PHACTR3: variants seen among roughly 807,000 people sequenced by gnomAD.
PHACTR3 encodes protein phosphatase 1, regulatory subunit 123.
A neutral mutation model predicts 66.8 loss-of-function variants in PHACTR3; 16 were observed. The observed-to-expected ratio is 0.24, with a 90% CI of 0.16 to 0.36. The LOEUF (loss-of-function observed/expected upper bound fraction) is 0.36. PHACTR3 is among the 10% of genes least tolerant of loss of function. The probability of loss-of-function intolerance (pLI) is 1.00; values close to 1 mark genes in which losing one functional copy is unlikely to be tolerated. For synonymous variants in PHACTR3, 323 were observed against 292.1 expected (o/e 1.11, Z -1.08); for missense variants, 647 against 719.9 (o/e 0.90, Z 1.16).
intron 7 of PHACTR3, among the ~76,000 whole-genome samples, chr20:59,783,441 C>G (rs994415505): frequency 1.3e-5 from 2 of 148,574 alleles, no homozygotes; most frequent in East Asian, 2.0e-4. Context: ...CGCCCCACCC[C>G]GGCCCTTTTT....
chr20:59,634,418 G>A (rs1339193653), intron 1 of PHACTR3, among the ~76,000 whole-genome samples: 1 of 152,212 alleles, frequency 6.6e-6, no homozygotes, highest in African/African-American at 2.4e-5. Flanking sequence ...AACACTTAAT[G>A]TGGTGTCCAG....
chr20:59,680,403 G>A (rs2036600144), intron 1 of PHACTR3, among the ~76,000 whole-genome samples: 1 of 152,164 alleles, frequency 6.6e-6, no homozygotes, highest in Middle Eastern at 3.2e-3. Flanking sequence ...GTCCAGTGGT[G>A]GCAGGCTGGA....
chr20:59,762,210 G>A (rs552435355), intron 4 of PHACTR3, among the ~76,000 whole-genome samples: 25 of 152,330 alleles, frequency 1.6e-4, no homozygotes, highest in Admixed American at 1.6e-3. Flanking sequence ...GAGGGTTTTG[G>A]TCAGCGTAGC....
chr20:59,670,509 C>T (rs2036151093), intron 1 of PHACTR3, among the ~76,000 whole-genome samples: 1 of 151,402 alleles, frequency 6.6e-6, no homozygotes. Flanking sequence ...GGACACACAT[C>T]CACCAACCTG....
intron 7 of PHACTR3, among the ~76,000 whole-genome samples, chr20:59,800,766 A>C (rs2041389367): frequency 1.3e-5 from 2 of 152,166 alleles, no homozygotes; most frequent in African/African-American, 4.8e-5. Flanking sequence ...TATTCCTATA[A>C]ATACTCTTGA....
At chr20:59,806,561 C>T (rs1032328616) in intron 8 of PHACTR3, among the ~76,000 whole-genome samples, 1 of 152,192 alleles carries the variant, frequency 6.6e-6, no homozygotes, top group African/African-American at 2.4e-5. Context: ...GTGTTAGAGA[C>T]AGGGGCAGTC....
chr20:59,836,639 C>G, intron 9 of PHACTR3, 79 bp downstream of exon 9: 13 of 1,413,554 alleles, frequency 9.2e-6, no homozygotes, highest in Non-Finnish European at 1.3e-5. Context: ...TTCCCATAAC[C>G]CAGCCCTTCT....
At chr20:59,629,665 C>T (rs1281273323) in intron 1 of PHACTR3, among the ~76,000 whole-genome samples, 2 of 152,360 alleles carry the variant, frequency 1.3e-5, no homozygotes, top group East Asian at 3.9e-4. Context: ...CTTCCATCTT[C>T]TGCTCCTTAT....
chr20:59,830,252 G>A lies in PHACTR3; in HGVS notation c.1329-6253G>A, dbSNP rs975151842. ...GTGTCTGATGGAAGAGGGTATGAGT[G>A]TCTGATAGAAGAGGGTATGAGTGTC... On this transcript the variant is annotated intron_variant, in intron 8 of 12. Coordinates refer to ENST00000371015, the MANE Select transcript of PHACTR3 (RefSeq NM_080672.5). The surrounding 1 kb of genome is among the most constrained non-coding windows in gnomAD (Gnocchi z 5.8). Among the ~76,000 whole-genome samples the A allele has an allele frequency of 1.3e-5, 2 of 151,946 alleles. No homozygotes were observed. Among genetic ancestry groups the A allele is most frequent in the African/African-American group, 4.8e-5 (2 of 41,342 alleles).
At chr20:59,582,298 T>G (rs868230216) in intron 1 of PHACTR3, among the ~76,000 whole-genome samples, 1 of 152,258 alleles carries the variant, frequency 6.6e-6, no homozygotes, top group African/African-American at 2.4e-5. Flanking sequence ...TCATAGGTTC[T>G]GTCTAATTGC....
chr20:59,798,165 G>A (rs2041307868), intron 7 of PHACTR3, among the ~76,000 whole-genome samples: 1 of 152,118 alleles, frequency 6.6e-6, no homozygotes, highest in Non-Finnish European at 1.5e-5. Flanking sequence ...CACCATCTAG[G>A]TGTCCTTACA....
rs181793902 is a variant in PHACTR3, at chr20:59,731,727, A to G, written c.119-11380A>G. Among the ~76,000 whole-genome samples the G allele has an allele frequency of 1.6e-3, 243 of 152,280 alleles. 1 individual carries two copies. The highest frequency in any genetic ancestry group is 5.6e-3 in the African/African-American group (231 of 41,574). Reference sequence around the variant, plus strand: ...TTTTCCACTGGTGTCAGAGTCATCAATGATGCCCATTTATGTAGTCTTAAT... The same window carrying G: ...TTTTCCACTGGTGTCAGAGTCATCAGTGATGCCCATTTATGTAGTCTTAAT... On this transcript the variant is annotated intron_variant, in intron 1 of 12. Transcript: ENST00000371015.
chr20:59,774,114 A>T, intron 6 of PHACTR3, 129 bp from the exon 7 acceptor site: 3 of 1,229,172 alleles, frequency 2.4e-6, no homozygotes, highest in Non-Finnish European at 3.4e-6. Context: ...TGTGTCCAGG[A>T]TAAAAACCAA....
rs557455493 is a variant in PHACTR3 at position 59,757,980 on chromosome 20, CA to C, written c.541+2620del. ...GCCAGACCCTGCTTCAAAAAAAATT[CA>C]AAATAAACAGCCCACAGAATGGAGA... On this transcript the variant is annotated intron_variant, in intron 4 of 12. Coordinates refer to ENST00000371015, the MANE Select transcript of PHACTR3 (RefSeq NM_080672.5). Among the ~76,000 whole-genome samples the C allele has an allele frequency of 5.1e-3, 775 of 152,180 alleles. 3 individuals are homozygous for C. The highest frequency in any genetic ancestry group is 8.0e-3 in the Non-Finnish European group (541 of 67,988).
intron 1 of PHACTR3, among the ~76,000 whole-genome samples, chr20:59,689,672 T>C (rs1276122227): frequency 6.6e-6 from 1 of 152,152 alleles, no homozygotes; most frequent in Non-Finnish European, 1.5e-5. Context: ...AACTGAGGCC[T>C]TGCCAGGGAT....
chr20:59,764,296 G>A (rs1297285502), intron 4 of PHACTR3, among the ~76,000 whole-genome samples: 3 of 149,924 alleles, frequency 2.0e-5, no homozygotes, highest in Non-Finnish European at 4.5e-5. Context: ...TCCCTGGTAT[G>A]AGGACACTGA....
At chr20:59,813,807 G>A (rs117357259) in intron 8 of PHACTR3, among the ~76,000 whole-genome samples, 2,644 of 152,204 alleles carry the variant, frequency 0.017, 34 homozygotes, top group Non-Finnish European at 0.025. Flanking sequence ...TGTGCTGCCC[G>A]CTATGGGTTC....
At chr20:59,745,782 T>C (rs1232562939) in intron 2 of PHACTR3, among the ~76,000 whole-genome samples, 1 of 152,162 alleles carries the variant, frequency 6.6e-6, no homozygotes, top group East Asian at 1.9e-4. Context: ...TCAGATCCAC[T>C]CAGCCATTTA....
chr20:59,725,163 C>T (rs1456621340), intron 1 of PHACTR3, among the ~76,000 whole-genome samples: 9 of 143,802 alleles, frequency 6.3e-5, no homozygotes, highest in East Asian at 2.1e-4. Context: ...AGGTGTGCTG[C>T]GTGCTCAGTA....
Sources: gnomAD v4.1 joint callset for allele counts (sites outside exome capture counted in the v4.1 genomes callset) on GRCh38, gnomAD v4.1.1 for gene constraint, Gnocchi (gnomAD v3.1) non-coding constraint, MANE v1.5 for transcripts, NCBI Gene and HGNC (gene_info 2026-07-23, HGNC 2026-07-21) for gene names.